GXYLT1: variants seen among roughly 807,000 people sequenced by gnomAD.
The protein encoded by GXYLT1 is glucoside xylosyltransferase 1.
Under a neutral mutation model 54.0 loss-of-function variants are expected in GXYLT1, and 29 were observed. The ratio of observed to expected loss-of-function variants is 0.54; its 90% CI spans 0.40 to 0.73. The LOEUF (loss-of-function observed/expected upper bound fraction) is 0.73. GXYLT1 is among the 30% of genes least tolerant of loss of function. GXYLT1 has a pLI of 0.00. For missense variants in GXYLT1, 490 were observed against 553.4 expected (o/e 0.89, Z 1.15); for synonymous variants, 176 against 204.1 (o/e 0.86, Z 1.17).
chr12:42,101,963 C>T (rs1049874703), intron 5 of GXYLT1, among the ~76,000 whole-genome samples: 3 of 152,178 alleles, frequency 2.0e-5, no homozygotes, highest in African/African-American at 7.2e-5. Context: ...AGAGATATGT[C>T]AAGGGGAGAC....
intron 5 of GXYLT1, among the ~76,000 whole-genome samples, chr12:42,098,694 C>T (rs1199915517): frequency 1.4e-5 from 2 of 143,850 alleles, no homozygotes; most frequent in Non-Finnish European, 3.0e-5. Context: ...GATGGATTTT[C>T]CTATCCAAAA....
chr12:42,110,595 GC>G (rs1428710489), intron 3 of GXYLT1, among the ~76,000 whole-genome samples: 1 of 152,048 alleles, frequency 6.6e-6, no homozygotes, highest in East Asian at 1.9e-4. Flanking sequence ...CCCAGACTGG[GC>G]TGAAGTGCAG....
At chr12:42,097,771 GAA>G in intron 6 of GXYLT1, 137 bp downstream of exon 6, 4 of 1,012,264 alleles carry the variant, frequency 4.0e-6, no homozygotes, top group Non-Finnish European at 4.3e-6. Context: ...CAAAATTCAA[GAA>G]AAGTTTTACT....
chr12:42,098,784 T>TAAAA (rs1555139400), intron 5 of GXYLT1, among the ~76,000 whole-genome samples: 21 of 134,414 alleles, frequency 1.6e-4, no homozygotes, highest in African/African-American at 5.0e-4. Context: ...TATATATATA[T>TAAAA]AATACATGTG....
chr12:42,130,780 G>A (rs974264304), intron 1 of GXYLT1, among the ~76,000 whole-genome samples: 3 of 151,964 alleles, frequency 2.0e-5, no homozygotes, highest in Admixed American at 6.6e-5. Flanking sequence ...ACAAGACTCC[G>A]TCTCTAAAAA....
At chr12:42,125,188 AAC>A (rs1468476511) in intron 2 of GXYLT1, among the ~76,000 whole-genome samples, 10 of 152,224 alleles carry the variant, frequency 6.6e-5, no homozygotes, top group Admixed American at 3.3e-4. Context: ...AGCCAGGAGC[AAC>A]AGTGTGAAAG....
At chr12:42,108,377 G>C (rs1456204544) in intron 4 of GXYLT1, among the ~76,000 whole-genome samples, 1 of 152,098 alleles carries the variant, frequency 6.6e-6, no homozygotes, top group Non-Finnish European at 1.5e-5. Flanking sequence ...TCCCACATCA[G>C]ACAACAAGCT....
At chr12:42,126,073 C>CT (rs35070036) in intron 2 of GXYLT1, among the ~76,000 whole-genome samples, 7,473 of 135,224 alleles carry the variant, frequency 0.055, 546 homozygotes, top group African/African-American at 0.16. Context: ...CCAGTAGGAA[C>CT]TTTTTTTTTT....
At chr12:42,121,044 A>G (rs1340480940) in intron 2 of GXYLT1, among the ~76,000 whole-genome samples, 2 of 152,218 alleles carry the variant, frequency 1.3e-5, no homozygotes, top group Non-Finnish European at 2.9e-5. Context: ...CATCTCAAAA[A>G]CAGTGGAAGC....
intron 7 of GXYLT1, among the ~76,000 whole-genome samples, chr12:42,088,266 TA>T (rs899925125): frequency 6.6e-6 from 1 of 151,810 alleles, no homozygotes; most frequent in Non-Finnish European, 1.5e-5. Context: ...GTGGACTGGC[TA>T]AAAGAAGAGC....
intron 2 of GXYLT1, among the ~76,000 whole-genome samples, chr12:42,123,104 A>G (rs1339371620): frequency 6.6e-6 from 1 of 152,212 alleles, no homozygotes; most frequent in East Asian, 1.9e-4. Context: ...GCTGGGGAAC[A>G]GTTCTAGAAT....
At chr12:42,098,123 T>C in intron 5 of GXYLT1, 90 bp from the exon 6 acceptor site, 1 of 1,215,238 alleles carries the variant, frequency 8.2e-7, no homozygotes, top group Non-Finnish European at 1.2e-6. Context: ...ACAGCAACCA[T>C]TACAAATCCA....
chr12:42,092,740 C>T (rs997698205), intron 7 of GXYLT1, among the ~76,000 whole-genome samples: 5 of 151,972 alleles, frequency 3.3e-5, no homozygotes, highest in African/African-American at 1.2e-4. Flanking sequence ...ATATTCAAAA[C>T]CTGTAGCAAA....
chr12:42,094,034 A>G (rs1301208365), intron 7 of GXYLT1, among the ~76,000 whole-genome samples: 2 of 151,908 alleles, frequency 1.3e-5, no homozygotes, highest in Non-Finnish European at 2.9e-5. Context: ...TAGACTGGAA[A>G]AAGCTTGCTG....
At chr12:42,142,337 ATTTT>A (rs201702582) in intron 1 of GXYLT1, among the ~76,000 whole-genome samples, 2 of 140,210 alleles carry the variant, frequency 1.4e-5, no homozygotes. Flanking sequence ...AAAAAAGTTA[ATTTT>A]TTTTTTTTTT....
At chr12:42,135,227 T>A (rs1226525672) in intron 1 of GXYLT1, among the ~76,000 whole-genome samples, 5 of 152,242 alleles carry the variant, frequency 3.3e-5, no homozygotes, top group Admixed American at 3.3e-4. Flanking sequence ...ATCCAATGTA[T>A]GGATTGCTCC....
intron 4 of GXYLT1, among the ~76,000 whole-genome samples, chr12:42,106,905 C>T (rs1455639575): frequency 1.3e-5 from 2 of 151,670 alleles, no homozygotes; most frequent in African/African-American, 4.8e-5. Flanking sequence ...ATCACCACAC[C>T]CGGCTAATTT....
intron 5 of GXYLT1, among the ~76,000 whole-genome samples, chr12:42,098,760 C>CATATAT (rs60199719): frequency 0.055 from 5,283 of 96,832 alleles, 430 homozygotes; most frequent in South Asian, 0.088. Flanking sequence ...AAATTTAAAA[C>CATATAT]ATATATATAT....
chr12:42,115,368 A>T (rs563200029), intron 3 of GXYLT1, among the ~76,000 whole-genome samples: 65 of 152,346 alleles, frequency 4.3e-4, no homozygotes, highest in Admixed American at 2.3e-3. Context: ...ACATGATTGT[A>T]TATCTAGAAA....
Sources: allele counts gnomAD v4.1 joint callset (sites outside exome capture counted in the v4.1 genomes callset), GRCh38; gene constraint gnomAD v4.1.1; transcripts MANE v1.5; gene names NCBI Gene and HGNC (gene_info 2026-07-23, HGNC 2026-07-21).